The following ADGRV1 variants were observed in gnomAD, a reference collection of about 807,000 sequenced individuals.
The protein encoded by ADGRV1 is G-protein coupled receptor 98.
A neutral mutation model predicts 596.2 loss-of-function variants in ADGRV1; 359 were observed. The observed-to-expected ratio is 0.60, with a 90% CI of 0.55 to 0.66. The LOEUF is 0.66. Ranked by LOEUF, ADGRV1 falls within the 30% of genes least tolerant of loss-of-function variation. The pLI is 0.00. For synonymous variants in ADGRV1, 2,681 were observed against 2,679.2 expected (o/e 1.00, Z -0.02); for missense variants, 7,274 against 7,575.6 (o/e 0.96, Z 1.48).
Position 90,989,113 on chromosome 5 carries a change from G to C in ADGRV1, c.18152+3591G>C, listed in dbSNP as rs569940183. Among the ~76,000 whole-genome samples the C allele has an allele frequency of 1.2e-3, 189 of 152,124 alleles. No individual in the cohort carries two copies. The East Asian group carries it at 0.022, about 17-fold the overall frequency. On this transcript the variant is annotated intron_variant, in intron 85 of 89. Coordinates refer to ENST00000405460, the MANE Select transcript of ADGRV1 (RefSeq NM_032119.4). ...CCACAGTAAACATACGTGTGCATGT[G>C]TCTTTATAGCAGCATGATTTATAAT... is the stretch of plus-strand genomic sequence containing the variant.
intron 85 of ADGRV1, among the ~76,000 whole-genome samples, chr5:90,988,928 A>G (rs1162710494): frequency 6.6e-6 from 1 of 151,432 alleles, no homozygotes; most frequent in East Asian, 1.9e-4. Context: ...GCTGAGAATG[A>G]TGGTTTCCAG....
intron 26 of ADGRV1, among the ~76,000 whole-genome samples, chr5:90,680,288 G>A (rs868633772): frequency 6.6e-6 from 1 of 151,874 alleles, no homozygotes; most frequent in Non-Finnish European, 1.5e-5. Flanking sequence ...CCCAGGAGGC[G>A]GAGGTTGAGT....
chr5:91,161,059 A>G (rs184373301), intron 89 of ADGRV1, among the ~76,000 whole-genome samples: 1 of 152,330 alleles, frequency 6.6e-6, no homozygotes, highest in Non-Finnish European at 1.5e-5. Flanking sequence ...GTAGGCAGAC[A>G]CTGAAATCAC....
At chr5:90,952,948 T>C (rs1443311921) in intron 83 of ADGRV1, among the ~76,000 whole-genome samples, 1 of 152,174 alleles carries the variant, frequency 6.6e-6, no homozygotes, top group Non-Finnish European at 1.5e-5. Flanking sequence ...TAAATTTTAG[T>C]GTTCACATAA....
intron 85 of ADGRV1, among the ~76,000 whole-genome samples, chr5:91,068,009 A>T (rs1236248813): frequency 6.6e-6 from 1 of 152,230 alleles, no homozygotes; most frequent in Non-Finnish European, 1.5e-5. Context: ...TCAGGTAATG[A>T]TTCAGGCTTC....
At chr5:90,885,208 ATGTACT>A (rs1397730248) in intron 83 of ADGRV1, among the ~76,000 whole-genome samples, 1 of 152,186 alleles carries the variant, frequency 6.6e-6, no homozygotes, top group Non-Finnish European at 1.5e-5. Flanking sequence ...AGACTCATAG[ATGTACT>A]TGTTGTTCAA....
At chr5:90,630,480 C>T (rs1765361640) in intron 9 of ADGRV1, 1 of 152,132 alleles carries the variant, frequency 6.6e-6, no homozygotes, top group South Asian at 2.1e-4. Flanking sequence ...AAAATATCTG[C>T]ACTCATTTAT....
chr5:90,633,622 A>G (rs1765777287), intron 9 of ADGRV1, among the ~76,000 whole-genome samples: 1 of 151,822 alleles, frequency 6.6e-6, no homozygotes, highest in South Asian at 2.1e-4. Context: ...ATAAATATAT[A>G]TGTGTATATA....
At chr5:90,818,817 C>T (rs1038411294) in intron 75 of ADGRV1, among the ~76,000 whole-genome samples, 1 of 151,026 alleles carries the variant, frequency 6.6e-6, no homozygotes, top group African/African-American at 2.4e-5. Context: ...TTCGTTTTGC[C>T]AGTATTTTAT....
chr5:90,661,823 T>G (rs1356919384), intron 21 of ADGRV1, among the ~76,000 whole-genome samples: 1 of 152,214 alleles, frequency 6.6e-6, no homozygotes, highest in East Asian at 1.9e-4. Flanking sequence ...CTCAATTAGA[T>G]GAATATTTTA....
chr5:90,725,465 A>AT, intron 47 of ADGRV1, 84 bp from the exon 48 acceptor site: 1 of 822,810 alleles, frequency 1.2e-6, no homozygotes, highest in Non-Finnish European at 2.0e-6. Flanking sequence ...TGCACTTCAG[A>AT]TTTTAACTCA....
At chr5:90,795,944 C>G (rs772000206) in intron 70 of ADGRV1, among the ~76,000 whole-genome samples, 1 of 151,980 alleles carries the variant, frequency 6.6e-6, no homozygotes, top group Non-Finnish European at 1.5e-5. Flanking sequence ...AAAGGAGCAG[C>G]ACATCCACTC....
chr5:90,931,052 A>G, intron 83 of ADGRV1: 1 of 152,182 alleles, frequency 6.6e-6, no homozygotes, highest in Non-Finnish European at 1.5e-5. Flanking sequence ...ACCAAAGCTG[A>G]AAGATTTGTA....
At chr5:91,090,461 G>A (rs2126573761) in intron 86 of ADGRV1, among the ~76,000 whole-genome samples, 1 of 152,030 alleles carries the variant, frequency 6.6e-6, no homozygotes, top group South Asian at 2.1e-4. Flanking sequence ...CCTGACACTG[G>A]ACTGTCTTTT....
intron 85 of ADGRV1, among the ~76,000 whole-genome samples, chr5:91,008,593 T>A (rs952785677): frequency 2.6e-5 from 4 of 152,090 alleles, no homozygotes; most frequent in African/African-American, 9.7e-5. Context: ...AACCTCCACC[T>A]CCCAGGTTCA....
chr5:90,799,198 A>C (rs146637743), intron 70 of ADGRV1, among the ~76,000 whole-genome samples: 7,101 of 152,172 alleles, frequency 0.047, 585 homozygotes, highest in African/African-American at 0.16. Context: ...AGCCCCAGAT[A>C]TCCTTAAGCT....
chr5:90,937,183 T>G (rs1319160532), intron 83 of ADGRV1, among the ~76,000 whole-genome samples: 1 of 152,190 alleles, frequency 6.6e-6, no homozygotes, highest in Non-Finnish European at 1.5e-5. Flanking sequence ...ACTTTGTACT[T>G]TCAACCTAAT....
chr5:90,996,736 C>T (rs1429149658), intron 85 of ADGRV1, among the ~76,000 whole-genome samples: 2 of 152,224 alleles, frequency 1.3e-5, no homozygotes, highest in East Asian at 3.9e-4. Context: ...CCCATGAAAG[C>T]AGCTGTGGAG....
In ADGRV1 at chr5:90,829,016, GC is replaced by G; in HGVS notation, c.16443del (p.Arg5482AspfsTer8). The G allele has an allele frequency of 6.2e-7, 1 of 1,609,396 alleles. No individual in the cohort carries two copies. The highest frequency in any genetic ancestry group is 8.5e-7 in the Non-Finnish European group (1 of 1,177,094). ...TGCTGGAGCAGCAATAAACAACAGT[GC>G]CAGATTCGCACAGATTAAAATCTTA... ...ATAGAAINNSARFAQIKILES... is the reference protein window; with the variant it reads ...ATAGAAINNSXRFAQIKILES... On this transcript the variant is annotated frameshift_variant, in exon 77 of 90. Transcript: ENST00000405460. LOFTEE classifies it high-confidence loss of function.
Sources: gnomAD v4.1 joint callset for allele counts (sites outside exome capture counted in the v4.1 genomes callset) on GRCh38, gnomAD v4.1.1 for gene constraint, MANE v1.5 for transcripts, NCBI Gene and HGNC (gene_info 2026-07-23, HGNC 2026-07-21) for gene names.